The following CCDC146 variants were observed in gnomAD, a reference collection of about 807,000 sequenced individuals.
CCDC146 encodes the protein coiled-coil domain containing 146.
In CCDC146, 92 loss-of-function variants were observed where a neutral mutation model predicts 119.3. The ratio of observed to expected loss-of-function variants is 0.77; its 90% confidence interval spans 0.65 to 0.92. The LOEUF is 0.92. CCDC146 is among the 40% of genes least tolerant of loss of function. CCDC146 has a pLI of 0.00. For missense variants in CCDC146, 1,000 were observed against 1,103.0 expected (o/e 0.91, Z 1.32); for synonymous variants, 372 against 371.8 (o/e 1.00, Z -0.01).
rs554111275 is a variant in CCDC146, at chr7:77,197,551, T to A, written c.156+29727T>A. On this transcript the variant is annotated intron_variant, in intron 2 of 18. Coordinates refer to ENST00000285871, the MANE Select transcript of CCDC146 (RefSeq NM_020879.3). ...CAGATGATTCTAACTCTCCTAGAAC[T>A]GTATTCCTTGCATACAGAGGAAGCA... Among the ~76,000 whole-genome samples the A allele has an allele frequency of 3.9e-4, 60 of 152,232 alleles. 1 individual carries two copies. The highest frequency in any genetic ancestry group is 5.6e-4 in the Non-Finnish European group (38 of 68,034).
At chr7:77,282,831 T>A (rs1289387486) in intron 15 of CCDC146, 46 bp downstream of exon 15, 1 of 1,378,162 alleles carries the variant, frequency 7.3e-7, no homozygotes, top group South Asian at 1.2e-5. Context: ...TTTATTTTTT[T>A]CTGCCTTTAT....
intron 1 of CCDC146, among the ~76,000 whole-genome samples, chr7:77,123,403 G>GGGGTGTGTGTGT (rs1379477523): frequency 8.0e-6 from 1 of 125,194 alleles, no homozygotes; most frequent in African/African-American, 3.0e-5. Context: ...GACCCTATAA[G>GGGGTGTGTGTGT]GTGTGTGTGT....
rs74658280 is a variant in CCDC146, at chr7:77,268,620, C to A, written c.1174-5074C>A. On this transcript the variant is annotated intron_variant, in intron 9 of 18. Transcript: ENST00000285871. ...ACCCCCTTTTGGAGGAGGGGACATG[C>A]CTTCCAGTAGCTTCATGAGAAAAAT... Among the ~76,000 whole-genome samples, 593 of 152,266 alleles carry A rather than the reference C, an allele frequency of 3.9e-3. 4 individuals carry two copies. The highest frequency in any genetic ancestry group is 0.013 in the African/African-American group (556 of 41,552).
At chr7:77,253,305 G>C (rs1793112796) in intron 4 of CCDC146, among the ~76,000 whole-genome samples, 1 of 152,112 alleles carries the variant, frequency 6.6e-6, no homozygotes, top group Non-Finnish European at 1.5e-5. Flanking sequence ...GTTTCCTCTG[G>C]CTCTAGCATT....
Position 77,156,046 on chromosome 7 carries a change from GA to G in CCDC146, c.-11-11610del, listed in dbSNP as rs542751601. Among the ~76,000 whole-genome samples, 855 of 152,288 alleles carry G rather than the reference GA, an allele frequency of 5.6e-3. 7 individuals are homozygous for G. The highest frequency in any genetic ancestry group is 6.9e-3 in the Non-Finnish European group (467 of 68,034). On this transcript the variant is annotated intron_variant, in intron 1 of 18. Transcript: ENST00000285871. ...AGCAAGGGGATGGTGAAATGAAGGA[GA>G]AGGCCTAGAGCTCTCTCAGCACCCT... is the stretch of plus-strand genomic sequence containing the variant.
chr7:77,190,423 C>A (rs567621383), intron 2 of CCDC146, among the ~76,000 whole-genome samples: 23 of 152,336 alleles, frequency 1.5e-4, no homozygotes, highest in African/African-American at 5.5e-4. Flanking sequence ...AAAGCCTTCT[C>A]TTTCCATTAG....
At chr7:77,259,568 T>A (rs1214311720) in intron 7 of CCDC146, among the ~76,000 whole-genome samples, 2 of 152,122 alleles carry the variant, frequency 1.3e-5, no homozygotes, top group African/African-American at 4.8e-5. Context: ...TAAGTGAAGA[T>A]ACAAAAATTC....
chr7:77,159,209 G>C (rs1015244095), intron 1 of CCDC146, among the ~76,000 whole-genome samples: 8 of 151,756 alleles, frequency 5.3e-5, no homozygotes, highest in African/African-American at 1.9e-4. Context: ...TATACAATAG[G>C]GTATTGTTAG....
chr7:77,258,906 G>A (rs535326062), intron 6 of CCDC146, 89 bp from the exon 7 acceptor site: 1 of 832,498 alleles, frequency 1.2e-6, no homozygotes, highest in Admixed American at 2.1e-5. Flanking sequence ...ACATATTGTA[G>A]TTCCTTTCTC....
chr7:77,202,592 A>G (rs548492990), intron 2 of CCDC146, among the ~76,000 whole-genome samples: 1 of 152,284 alleles, frequency 6.6e-6, no homozygotes, highest in South Asian at 2.1e-4. Flanking sequence ...ATTGACACTG[A>G]CAGGTGACCT....
Position 77,196,396 on chromosome 7 carries a change from G to A in CCDC146, c.156+28572G>A, listed in dbSNP as rs1395576142. 1.9e-6 allele frequency: 3 copies of A among 1,614,088 alleles called. No homozygotes were observed. The highest frequency in any genetic ancestry group is 1.6e-4 in the Middle Eastern group (1 of 6,062). ...AGGTACCCCAGAAAATCCCATTACGGACACCTCTGTATTTTTGGTGATAAT... is the reference window on the plus strand; with the variant it reads ...AGGTACCCCAGAAAATCCCATTACGAACACCTCTGTATTTTTGGTGATAAT... On this transcript the variant is annotated intron_variant, in intron 2 of 18. Coordinates refer to ENST00000285871, the MANE Select transcript of CCDC146 (RefSeq NM_020879.3). The surrounding 1 kb of genome is among the most constrained non-coding windows in gnomAD (Gnocchi z 4.2).
chr7:77,189,112 G>T (rs67414486), intron 2 of CCDC146, among the ~76,000 whole-genome samples: 2 of 151,970 alleles, frequency 1.3e-5, no homozygotes, highest in Admixed American at 1.3e-4. Context: ...ATATTCAAAT[G>T]CCTATATCCA....
chr7:77,186,876 G>T (rs1398684386), intron 2 of CCDC146, among the ~76,000 whole-genome samples: 1 of 152,196 alleles, frequency 6.6e-6, no homozygotes, highest in Non-Finnish European at 1.5e-5. Context: ...ATTGGTTATA[G>T]CTCGGTGTTT....
rs1791873504 is a variant in CCDC146 at position 77,196,532 on chromosome 7, A to G, written c.156+28708A>G. The G allele has an allele frequency of 3.1e-6, 5 of 1,614,142 alleles. No individual in the cohort carries two copies. The highest frequency in any genetic ancestry group is 4.2e-6 in the Non-Finnish European group (5 of 1,179,970). ...ATCATTGTCTTTATCTGGAGTGGTG[A>G]AAAACTTCAGATCGTGGTTGTAATG... On this transcript the variant is annotated intron_variant, in intron 2 of 18. Coordinates refer to ENST00000285871, the MANE Select transcript of CCDC146 (RefSeq NM_020879.3). This position sits in a 1 kb window ranked among gnomAD's most constrained non-coding sequence, Gnocchi z 4.2.
Position 77,242,369 on chromosome 7 carries a change from G to A in CCDC146, c.449+469G>A, listed in dbSNP as rs116271503. On this transcript the variant is annotated intron_variant, in intron 4 of 18. Coordinates refer to ENST00000285871, the MANE Select transcript of CCDC146 (RefSeq NM_020879.3). ...CTATTCTTCTAAGAGAGCAGCAACA[G>A]GACCACATATGCAAACTTCATCTCC... is the stretch of plus-strand genomic sequence containing the variant. The A allele has an allele frequency of 1.6e-3, 1,568 of 989,570 alleles. 25 individuals carry two copies. In the African/African-American group the frequency reaches 0.025, roughly 16 times the overall value. 61.3% of individuals were successfully genotyped at this position (989,570 alleles called of 1,614,324 possible). A position where few individuals can be genotyped will look rare whatever the true frequency, so the allele number is the denominator to read the frequency against.
chr7:77,199,424 C>T (rs750476106), intron 2 of CCDC146: 1 of 1,614,176 alleles, frequency 6.2e-7, no homozygotes, highest in African/African-American at 1.3e-5. Context: ...TCACCAACCT[C>T]TCCCGGGGCT....
intron 2 of CCDC146, among the ~76,000 whole-genome samples, chr7:77,183,068 T>C (rs751981324): frequency 6.6e-6 from 1 of 152,122 alleles, no homozygotes. Flanking sequence ...ATCTCCTTCA[T>C]GAAATGGAGG....
intron 1 of CCDC146, among the ~76,000 whole-genome samples, chr7:77,163,013 C>G (rs1791284847): frequency 6.6e-6 from 1 of 152,166 alleles, no homozygotes; most frequent in East Asian, 1.9e-4. Flanking sequence ...AGATTGAAAA[C>G]TTTAGCAAAC....
chr7:77,173,258 T>G (rs1367731909), intron 2 of CCDC146, among the ~76,000 whole-genome samples: 3 of 152,006 alleles, frequency 2.0e-5, no homozygotes, highest in Admixed American at 2.0e-4. Flanking sequence ...TATGATCACA[T>G]TAAGACCTAT....
Sources: allele counts gnomAD v4.1 joint callset (sites outside exome capture counted in the v4.1 genomes callset), GRCh38; gene constraint gnomAD v4.1.1; non-coding constraint Gnocchi (gnomAD v3.1); transcripts MANE v1.5; gene names NCBI Gene and HGNC (gene_info 2026-07-23, HGNC 2026-07-21).